The following DNAJB4 variants were observed in gnomAD, a reference collection of about 807,000 sequenced individuals.
The protein encoded by DNAJB4 is DnaJ heat shock protein family (Hsp40) member B4, also known as dnaJ homolog subfamily B member 4.
Under a neutral mutation model 26.6 loss-of-function variants are expected in DNAJB4, and 10 were observed. The ratio of observed to expected loss-of-function variants is 0.38; its 90% CI spans 0.23 to 0.64. DNAJB4 has a LOEUF of 0.64. DNAJB4 is among the 30% of genes least tolerant of loss of function. DNAJB4 has a pLI of 0.58. For missense variants in DNAJB4, 328 were observed against 408.2 expected (o/e 0.80, Z 1.69); for synonymous variants, 136 against 134.8 (o/e 1.01, Z -0.06).
At chr1:77,984,235 C>G (rs1659739329) in intron 1 of DNAJB4, among the ~76,000 whole-genome samples, 1 of 152,188 alleles carries the variant, frequency 6.6e-6, no homozygotes, top group Admixed American at 6.5e-5. Flanking sequence ...TCCTCCTTAT[C>G]CCTTCAGCCC....
intron 1 of DNAJB4, among the ~76,000 whole-genome samples, chr1:77,984,214 T>G (rs1350385475): frequency 1.3e-5 from 2 of 152,226 alleles, no homozygotes; most frequent in Non-Finnish European, 2.9e-5. Flanking sequence ...TCTGCATTCA[T>G]CCTGTGAAAA....
At chr1:78,001,180 A>G (rs375001717), upstream of DNAJB4, among the ~76,000 whole-genome samples, 7 of 151,978 alleles carry the variant, frequency 4.6e-5, no homozygotes, top group Admixed American at 4.6e-4. Context: ...CCTGGTCTCT[A>G]TAAGAAATTA....
chr1:77,994,364 C>T (rs1161772914), intron 1 of DNAJB4, among the ~76,000 whole-genome samples: 1 of 149,646 alleles, frequency 6.7e-6, no homozygotes, highest in Non-Finnish European at 1.5e-5. Flanking sequence ...AACCACTGCA[C>T]TCTAGCCTGG....
At chr1:78,001,725 A>C (rs1660199723), upstream of DNAJB4, among the ~76,000 whole-genome samples, 1 of 152,162 alleles carries the variant, frequency 6.6e-6, no homozygotes, top group South Asian at 2.1e-4. Flanking sequence ...ATAAGGTCTC[A>C]TTATGTTGCC....
At chr1:77,981,162 ATTTTTTT>A (rs71590707) in intron 1 of DNAJB4, 1 of 134,878 alleles carries the variant, frequency 7.4e-6, no homozygotes. Flanking sequence ...AAGGACCTCA[ATTTTTTT>A]TTTTTTTTTT....
intron 1 of DNAJB4, among the ~76,000 whole-genome samples, chr1:77,995,655 T>C (rs1270522644): frequency 1.3e-5 from 2 of 152,226 alleles, no homozygotes; most frequent in Non-Finnish European, 2.9e-5. Context: ...GGTCTCACTA[T>C]GTTGCTCAGC....
At chr1:78,009,714 C>CT (rs930807244) in intron 1 of DNAJB4, among the ~76,000 whole-genome samples, 14 of 151,970 alleles carry the variant, frequency 9.2e-5, no homozygotes, top group East Asian at 3.9e-4. Flanking sequence ...GGATTTTTTT[C>CT]TTTTTTTTGT....
At chr1:77,982,693 G>T (rs1266330240) in intron 1 of DNAJB4, among the ~76,000 whole-genome samples, 1 of 152,244 alleles carries the variant, frequency 6.6e-6, no homozygotes, top group African/African-American at 2.4e-5. Context: ...AGCTACTCGG[G>T]AGGCTGAGGC....
At chr1:78,013,916 G>C (rs1660563387) in intron 2 of DNAJB4, among the ~76,000 whole-genome samples, 1 of 151,974 alleles carries the variant, frequency 6.6e-6, no homozygotes, top group South Asian at 2.1e-4. Flanking sequence ...ATTAGTCTTT[G>C]TATATAGGGT....
chr1:78,002,410 G>A (rs4245659), upstream of DNAJB4, among the ~76,000 whole-genome samples: 151,526 of 152,324 alleles, frequency 0.99, 75,369 homozygotes, highest in Middle Eastern at 1. Flanking sequence ...AGTCTGAAAA[G>A]GTGAATGTAA....
chr1:78,016,446 C>G lies in DNAJB4; in HGVS notation c.*199C>G. On this transcript the variant is annotated 3_prime_UTR_variant, in exon 3 of 3. Coordinates refer to ENST00000370763, the MANE Select transcript of DNAJB4 (RefSeq NM_007034.5). ...TAGAGATAAAAGAGAAAACCATTCA[C>G]TGTATTTTATTTCATTTCTCCTGAT... 1.8e-6 allele frequency: 1 copy of G among 552,696 alleles called. No individual in the cohort carries two copies. The highest frequency in any genetic ancestry group is 3.2e-6 in the Non-Finnish European group (1 of 316,938). 34.2% of individuals were successfully genotyped at this position (552,696 alleles called of 1,614,324 possible).
chr1:78,014,299 G>C (rs1660576200), intron 2 of DNAJB4, among the ~76,000 whole-genome samples: 2 of 151,676 alleles, frequency 1.3e-5, no homozygotes, highest in Non-Finnish European at 2.9e-5. Flanking sequence ...GTAGACACAG[G>C]GTTTTACCAT....
upstream of DNAJB4, chr1:77,979,526 G>T (rs547715554): frequency 2.0e-5 from 3 of 153,752 alleles, no homozygotes; most frequent in Admixed American, 2.0e-4. Context: ...GCTGCCGCCC[G>T]GAGGGCGCCA....
intron 1 of DNAJB4, among the ~76,000 whole-genome samples, chr1:78,007,559 C>CA (rs1660361465): frequency 6.6e-6 from 1 of 151,644 alleles, no homozygotes; most frequent in African/African-American, 2.4e-5. Context: ...TCAGCCTGGG[C>CA]GACAGAGCGA....
intron 1 of DNAJB4, among the ~76,000 whole-genome samples, chr1:78,006,234 A>C (rs1374912864): frequency 6.6e-6 from 1 of 152,174 alleles, no homozygotes; most frequent in Non-Finnish European, 1.5e-5. Context: ...CTGCATTTTA[A>C]ATCAGGTTTG....
chr1:78,001,306 C>G (rs1176508825), upstream of DNAJB4, among the ~76,000 whole-genome samples: 2 of 150,826 alleles, frequency 1.3e-5, no homozygotes, highest in African/African-American at 4.9e-5. Context: ...TGCCACTTCA[C>G]TGCAGCCTGG....
chr1:77,980,335 A>ATGTGTG (rs1163506328), intron 1 of DNAJB4: 72 of 123,842 alleles, frequency 5.8e-4, no homozygotes, highest in African/African-American at 2.5e-3. Flanking sequence ...ATATATATAT[A>ATGTGTG]TATATGTGTG....
chr1:77,998,081 G>C (rs567623664), intron 1 of DNAJB4, among the ~76,000 whole-genome samples: 1 of 152,254 alleles, frequency 6.6e-6, no homozygotes, highest in African/African-American at 2.4e-5. Context: ...GCCTCTGTTT[G>C]ACTATCTTTA....
Position 78,016,971 on chromosome 1 carries a change from A to G in DNAJB4, c.*724A>G, listed in dbSNP as rs1660656775. The G allele has an allele frequency of 3.3e-5, 5 of 152,144 alleles. No homozygotes were observed. The allele number at this position is 152,144 out of a possible 1,614,324, so 9.4% of individuals were successfully genotyped here. A position where few individuals can be genotyped will look rare whatever the true frequency, so the allele number is the denominator to read the frequency against. ...AAGTTGACTATATATCTTGTACTTAATAAATTATAGGCTCATTTTGTTCTC... is the reference window on the plus strand; with the variant it reads ...AAGTTGACTATATATCTTGTACTTAGTAAATTATAGGCTCATTTTGTTCTC... On this transcript the variant is annotated 3_prime_UTR_variant, in exon 3 of 3. Transcript: ENST00000370763.
Sources: gnomAD v4.1 joint callset for allele counts (sites outside exome capture counted in the v4.1 genomes callset) on GRCh38, gnomAD v4.1.1 for gene constraint, MANE v1.5 for transcripts, NCBI Gene and HGNC (gene_info 2026-07-23, HGNC 2026-07-21) for gene names.